Variants in PIGS observed in about 807,000 individuals in gnomAD.
The protein encoded by PIGS is phosphatidylinositol glycan anchor biosynthesis class S, also known as GPI-anchor transamidase component PIGS.
A neutral mutation model predicts 58.2 loss-of-function variants in PIGS; 37 were observed. The ratio of observed to expected loss-of-function variants is 0.64; its 90% CI spans 0.49 to 0.84. The LOEUF (loss-of-function observed/expected upper bound fraction) is 0.84, where lower values mean the gene tolerates loss of function less well. PIGS is among the 40% of genes least tolerant of loss of function. PIGS has a pLI of 0.00. For synonymous variants in PIGS, 269 were observed against 289.2 expected (o/e 0.93, Z 0.71); for missense variants, 629 against 710.8 (o/e 0.88, Z 1.31).
chr17:28,563,622 G>T, intron 4 of PIGS, 100 bp from the exon 5 acceptor site: 1 of 1,279,704 alleles, frequency 7.8e-7, no homozygotes, highest in Non-Finnish European at 1.1e-6. Context: ...ACATTCAGCT[G>T]ACACAGTGGT....
In PIGS at chr17:28,553,888, A is replaced by C; in HGVS notation, c.*332T>G. On this transcript the variant is annotated 3_prime_UTR_variant, in exon 12 of 12. Transcript: ENST00000308360. Reference sequence around the variant, plus strand: ...CCATAATGCTCCCTCCTCTCAGTGCACAAGTGTGCTATGTTGAGAAATGGG... The same window carrying C: ...CCATAATGCTCCCTCCTCTCAGTGCCCAAGTGTGCTATGTTGAGAAATGGG... 1 of 339,266 alleles carries C rather than the reference A, an allele frequency of 2.9e-6. No homozygotes were observed. The highest frequency in any genetic ancestry group is 2.9e-5 in the South Asian group (1 of 34,472). 21.0% of individuals were successfully genotyped at this position (339,266 alleles called of 1,614,324 possible).
In PIGS at chr17:28,571,098, T is replaced by C; in HGVS notation, c.125A>G (p.Tyr42Cys). 1.2e-6 allele frequency: 2 copies of C among 1,614,042 alleles called. No individual in the cohort carries two copies. Among genetic ancestry groups the C allele is most frequent in the Non-Finnish European group, 1.7e-6 (2 of 1,180,026 alleles). Residue 42 changes from tyrosine (Y) to cysteine (C), a missense_variant, in exon 2 of 12, where the codon TAC becomes TGC. By Grantham distance (194) the Tyr-to-Cys change is radical. Coordinates refer to ENST00000308360, the MANE Select transcript of PIGS (RefSeq NM_033198.4). The part of the protein sequence containing the change: ...LPLWWKTTET[Y>C]RASLPYSQIS... The stretch of plus-strand genomic sequence containing the variant: ...CTGGGAGTAAGGCAACGAGGCCCGG[T>C]AGGTCTCCGTGGTCTTCCACCAGAG...
At chr17:28,555,988 TTTGTCACCTAC>T in intron 10 of PIGS, 167 bp downstream of exon 10, 1 of 593,992 alleles carries the variant, frequency 1.7e-6, no homozygotes, top group Non-Finnish European at 3.0e-6. Context: ...AATAAATGAT[TTTGTCACCTAC>T]TAGTCCTTCT....
Position 28,556,161 on chromosome 17 carries a change from C to G in PIGS, c.1181+5G>C. On this transcript the variant is annotated splice_donor_5th_base_variant and intron_variant, in intron 10 of 11. Coordinates refer to ENST00000308360, the MANE Select transcript of PIGS (RefSeq NM_033198.4). The stretch of plus-strand genomic sequence containing the variant: ...TGTCCCCAAGTGGATCATCCAGGAC[C>G]TCACCGCAACTGTGCCAGGAACACC... 6.2e-7 allele frequency: 1 copy of G among 1,610,122 alleles called. No individual in the cohort carries two copies.
In PIGS at chr17:28,556,832, T is replaced by G; in HGVS notation, c.1075A>C (p.Ile359Leu). Residue 359 changes from isoleucine to leucine, a missense_variant, in exon 9 of 12, where the codon ATT (isoleucine) becomes CTT (leucine). Coordinates refer to ENST00000308360, the MANE Select transcript of PIGS (RefSeq NM_033198.4). ...NAFHSPRWGG[I>L]MVYNVDSKTY... ...CTGCGTAGTGTGACTATTACCATAA[T>G]GCCACCCCAGCGGGGACTATGGAAG... is the stretch of plus-strand genomic sequence containing the variant. 1 of 1,613,660 alleles carries G rather than the reference T, an allele frequency of 6.2e-7. No individual in the cohort carries two copies. Among genetic ancestry groups the G allele is most frequent in the East Asian group, 2.2e-5 (1 of 44,878 alleles).
intron 10 of PIGS, 135 bp from the exon 11 acceptor site, chr17:28,555,196 C>T: frequency 1.2e-6 from 1 of 867,424 alleles, no homozygotes. Flanking sequence ...AAGGGAAGTA[C>T]CTCAGGGTCT....
intron 10 of PIGS, 100 bp from the exon 11 acceptor site, chr17:28,555,161 A>G: frequency 1.7e-6 from 2 of 1,201,162 alleles, no homozygotes; most frequent in Admixed American, 2.2e-5. Flanking sequence ...GTGATTTTCA[A>G]TCTTACCCAG....
chr17:28,554,585 A>C, intron 11 of PIGS, 90 bp from the exon 12 acceptor site: 2 of 1,438,322 alleles, frequency 1.4e-6, no homozygotes, highest in Non-Finnish European at 9.5e-7. Context: ...TCCATCTACC[A>C]AGGAAGATGC....
chr17:28,554,433 T>C lies in PIGS; in HGVS notation c.1455A>G (p.Ala485=), dbSNP rs368831460. Residue 485 remains alanine, a synonymous_variant, in exon 12 of 12, where the codon GCA becomes GCG. Coordinates refer to ENST00000308360, the MANE Select transcript of PIGS (RefSeq NM_033198.4). ...SAEELASGHL[A]SAFVASQEAV... ...CTTCCTGGCTGGCGACAAAGGCAGATGCCAGGTGCCCAGACGCCAACTCTT... is the reference window on the plus strand; with the variant it reads ...CTTCCTGGCTGGCGACAAAGGCAGACGCCAGGTGCCCAGACGCCAACTCTT... The C allele has an allele frequency of 3.7e-6, 6 of 1,614,188 alleles. No homozygotes were observed. The highest frequency in any genetic ancestry group is 2.2e-5 in the East Asian group (1 of 44,878).
chr17:28,555,132 A>C, intron 10 of PIGS, 71 bp from the exon 11 acceptor site: 1 of 1,365,540 alleles, frequency 7.3e-7, no homozygotes, highest in Non-Finnish European at 1.0e-6. Flanking sequence ...AAGATTTCTC[A>C]AATATCTGTC....
At chr17:28,558,404 C>CT in intron 8 of PIGS, 72 bp downstream of exon 8, 1 of 1,277,854 alleles carries the variant, frequency 7.8e-7, no homozygotes, top group South Asian at 1.3e-5. Flanking sequence ...CTCCTGTCCC[C>CT]TACCCAGCTG....
rs1327173940 is a variant in PIGS at position 28,553,806 on chromosome 17, C to G, written c.*414G>C. On this transcript the variant is annotated 3_prime_UTR_variant, in exon 12 of 12. Coordinates refer to ENST00000308360, the MANE Select transcript of PIGS (RefSeq NM_033198.4). ...CCAATGCCTGGCCCCTTCATGACAGCAGGGGCTAGGGCTGTCCCACAGGGA... is the reference window on the plus strand; with the variant it reads ...CCAATGCCTGGCCCCTTCATGACAGGAGGGGCTAGGGCTGTCCCACAGGGA... 3.7e-5 allele frequency: 7 copies of G among 190,202 alleles called. No individual in the cohort carries two copies. The Admixed American group carries it at 3.8e-4, about 10-fold the overall frequency. The allele number at this position is 190,202 out of a possible 1,614,324, so 11.8% of individuals were successfully genotyped here. A position where few individuals can be genotyped will look rare whatever the true frequency, so the allele number is the denominator to read the frequency against.
chr17:28,569,388 T>C (rs2070413760), intron 3 of PIGS, among the ~76,000 whole-genome samples: 1 of 148,098 alleles, frequency 6.8e-6, no homozygotes, highest in South Asian at 2.1e-4. Flanking sequence ...GATGGGAGGA[T>C]CGCTTGAGCC....
chr17:28,566,416 A>C (rs899179001), intron 3 of PIGS, among the ~76,000 whole-genome samples: 1 of 151,354 alleles, frequency 6.6e-6, no homozygotes, highest in African/African-American at 2.4e-5. Context: ...TCAGCCTTCC[A>C]AGTAGCTGGG....
At position 28,554,820 on chromosome 17, in the gene PIGS, A is replaced by G. The variant is rs755539239; in HGVS notation, c.1392+31T>C. Reference sequence around the variant, plus strand: ...GGCCCTCTCTGGCTACTCCAGTCCCAAGCTGCAGAATCCATCCCCTGCCTG... The same window carrying G: ...GGCCCTCTCTGGCTACTCCAGTCCCGAGCTGCAGAATCCATCCCCTGCCTG... On this transcript the variant is annotated intron_variant, in intron 11 of 11. Coordinates refer to ENST00000308360, the MANE Select transcript of PIGS (RefSeq NM_033198.4). 3.1e-6 allele frequency: 5 copies of G among 1,612,142 alleles called. No homozygotes were observed. The South Asian group carries it at 5.5e-5, about 18-fold the overall frequency.
At chr17:28,556,438 T>C (rs1347385509) in intron 9 of PIGS, 172 bp from the exon 10 acceptor site, 3 of 710,232 alleles carry the variant, frequency 4.2e-6, no homozygotes, top group Non-Finnish European at 7.7e-6. Flanking sequence ...AAATACATTA[T>C]CCCAATTACC....
chr17:28,556,701 G>A, intron 9 of PIGS, 126 bp downstream of exon 9: 2 of 1,283,730 alleles, frequency 1.6e-6, no homozygotes, highest in Non-Finnish European at 2.1e-6. Context: ...CACCTTCCTG[G>A]TGCCTGCCCC....
chr17:28,570,964 C>A lies in PIGS; in HGVS notation c.175-1G>T. The stretch of plus-strand genomic sequence containing the variant: ...CAGTGACAGGCACCATGAGGCGGAG[C>A]TACAGGAAGGAGCATCAGGGCCGTC... On this transcript the variant is annotated splice_acceptor_variant, in intron 2 of 11. Coordinates refer to ENST00000308360, the MANE Select transcript of PIGS (RefSeq NM_033198.4). LOFTEE classifies it high-confidence loss of function. 1 of 1,614,252 alleles carries A rather than the reference C, an allele frequency of 6.2e-7. No individual in the cohort carries two copies. The highest frequency in any genetic ancestry group is 1.1e-5 in the South Asian group (1 of 91,090).
intron 3 of PIGS, among the ~76,000 whole-genome samples, chr17:28,564,587 C>T (rs1248734081): frequency 1.3e-5 from 2 of 152,018 alleles, no homozygotes; most frequent in Admixed American, 1.3e-4. Context: ...TGGTGGCAGG[C>T]GCCTGTAATC....
Sources: gnomAD v4.1 joint callset for allele counts (sites outside exome capture counted in the v4.1 genomes callset) on GRCh38, gnomAD v4.1.1 for gene constraint, MANE v1.5 for transcripts, NCBI Gene and HGNC (gene_info 2026-07-23, HGNC 2026-07-21) for gene names.